RALGAPA2: variants seen among roughly 807,000 people sequenced by gnomAD.
The protein encoded by RALGAPA2 is Ral GTPase activating protein catalytic subunit alpha 2.
RALGAPA2 carries 139 observed loss-of-function variants against 230.4 expected under a neutral mutation model. The ratio of observed to expected loss-of-function variants is 0.60; its 90% CI spans 0.53 to 0.69. The LOEUF is 0.69. Among genes scored for constraint, RALGAPA2 ranks in the 30% least tolerant of loss-of-function variants. The probability of loss-of-function intolerance (pLI) is 0.00; values close to 1 mark genes in which losing one functional copy is unlikely to be tolerated. For synonymous variants in RALGAPA2, 847 were observed against 837.8 expected (o/e 1.01, Z -0.19); for missense variants, 2,163 against 2,276.0 (o/e 0.95, Z 1.01).
chr20:20,446,865 C>T (rs779300841), intron 37 of RALGAPA2, among the ~76,000 whole-genome samples: 29 of 152,300 alleles, frequency 1.9e-4, no homozygotes, highest in Non-Finnish European at 3.2e-4. Flanking sequence ...TGCCCAAACT[C>T]GCACTTAGGA....
rs1442484903 is a variant in RALGAPA2 at position 20,640,769 on chromosome 20, G to A, written c.482C>T (p.Ala161Val). ...GCAAGGGCCCCTGGATGACATGACT[G>A]CTGGGAAACCAGGCACCAGGCAAGC... ...IFACLVPGFP[A>V]VMSSRGPCTL... Residue 161 changes from alanine (A) to valine (V), a missense_variant, in exon 6 of 40, where the codon GCA becomes GTA. Coordinates refer to ENST00000202677, the MANE Select transcript of RALGAPA2 (RefSeq NM_020343.4). 3.7e-6 allele frequency: 6 copies of A among 1,613,946 alleles called. No homozygotes were observed. The highest frequency in any genetic ancestry group is 5.1e-6 in the Non-Finnish European group (6 of 1,179,842).
chr20:20,556,640 T>A (rs1297037678), intron 23 of RALGAPA2, among the ~76,000 whole-genome samples: 1 of 152,192 alleles, frequency 6.6e-6, no homozygotes, highest in Admixed American at 6.5e-5. Flanking sequence ...CTTTAGCAAA[T>A]GAGGGCTTCA....
chr20:20,495,618 A>C (rs1164620652), intron 35 of RALGAPA2, among the ~76,000 whole-genome samples: 2 of 152,264 alleles, frequency 1.3e-5, no homozygotes, highest in Non-Finnish European at 2.9e-5. Flanking sequence ...CTAAACAATT[A>C]ACAACACGTG....
intron 9 of RALGAPA2, among the ~76,000 whole-genome samples, chr20:20,633,067 CTT>C (rs1388910203): frequency 6.7e-6 from 1 of 148,498 alleles, no homozygotes; most frequent in East Asian, 2.0e-4. Flanking sequence ...TTTCTTTTCT[CTT>C]TCTCTTTCTT....
At chr20:20,543,985 G>A (rs1441409332) in intron 24 of RALGAPA2, among the ~76,000 whole-genome samples, 2 of 151,486 alleles carry the variant, frequency 1.3e-5, no homozygotes, top group Non-Finnish European at 2.9e-5. Context: ...GTGGGTGAAG[G>A]TTATAAACAG....
chr20:20,442,734 CTGA>C (rs1327407888), intron 37 of RALGAPA2, among the ~76,000 whole-genome samples: 1 of 152,196 alleles, frequency 6.6e-6, no homozygotes, highest in Non-Finnish European at 1.5e-5. Flanking sequence ...TTAGAATGTG[CTGA>C]TGACAAGCAG....
chr20:20,547,127 T>C (rs2063794949), intron 23 of RALGAPA2, among the ~76,000 whole-genome samples: 2 of 152,200 alleles, frequency 1.3e-5, no homozygotes, highest in Non-Finnish European at 2.9e-5. Context: ...TTGGACAAGC[T>C]ACAGGAGTAA....
rs184930884 is a variant in RALGAPA2, at chr20:20,475,740, A to T, written c.5368-2784T>A. Among the ~76,000 whole-genome samples the T allele has an allele frequency of 4.6e-5, 7 of 152,302 alleles. No homozygotes were observed. In the East Asian group the frequency reaches 1.4e-3, roughly 29 times the overall value. On this transcript the variant is annotated intron_variant, in intron 36 of 39. Transcript: ENST00000202677. ...ATTTTTGAAGATCCTAGTCACTACA[A>T]TAAAGAAAATTAAGAGAAAGAAAGA...
Position 20,551,411 on chromosome 20 carries a change from A to G in RALGAPA2, c.3157-4579T>C, listed in dbSNP as rs1167719416. 2.0e-5 allele frequency among the ~76,000 whole-genome samples: 3 copies of G among 152,246 alleles called. No individual in the cohort carries two copies. The East Asian group carries it at 5.8e-4, about 29-fold the overall frequency. On this transcript the variant is annotated intron_variant, in intron 23 of 39. Transcript: ENST00000202677. Reference sequence around the variant, plus strand: ...GTTGCAATATAGTGAACAGATCACCAAACTAGTATTTTTCTCTTGCTCTGG... The same window carrying G: ...GTTGCAATATAGTGAACAGATCACCGAACTAGTATTTTTCTCTTGCTCTGG...
chr20:20,522,747 A>T (rs2063083177), intron 30 of RALGAPA2, among the ~76,000 whole-genome samples: 1 of 152,266 alleles, frequency 6.6e-6, no homozygotes, highest in Non-Finnish European at 1.5e-5. Context: ...AATACAAAAC[A>T]AACAGTTATT....
chr20:20,401,675 T>G (rs1366113047), intron 38 of RALGAPA2, among the ~76,000 whole-genome samples: 1 of 152,182 alleles, frequency 6.6e-6, no homozygotes, highest in Non-Finnish European at 1.5e-5. Flanking sequence ...CCATGATGAC[T>G]GTGGGAGGAC....
chr20:20,553,974 CCTT>C (rs1229116945), intron 23 of RALGAPA2, among the ~76,000 whole-genome samples: 5 of 152,110 alleles, frequency 3.3e-5, no homozygotes, highest in African/African-American at 9.7e-5. Context: ...TAAACTGCCT[CCTT>C]CTCTTGGTAA....
chr20:20,533,698 G>T (rs2063426200), intron 26 of RALGAPA2, among the ~76,000 whole-genome samples: 1 of 152,100 alleles, frequency 6.6e-6, no homozygotes. Flanking sequence ...TTTTTTTCAG[G>T]TTTATATGGG....
intron 37 of RALGAPA2, among the ~76,000 whole-genome samples, chr20:20,435,402 A>G (rs1214009735): frequency 1.3e-5 from 2 of 152,250 alleles, no homozygotes; most frequent in African/African-American, 2.4e-5. Flanking sequence ...AAAAGGATGC[A>G]TAACAGCATC....
chr20:20,519,357 C>T (rs990276086), intron 31 of RALGAPA2, among the ~76,000 whole-genome samples: 1 of 152,180 alleles, frequency 6.6e-6, no homozygotes, highest in Non-Finnish European at 1.5e-5. Flanking sequence ...TCAGCTTGAA[C>T]CTTGCTCCAG....
At chr20:20,675,683 A>C (rs2068295410) in intron 3 of RALGAPA2, among the ~76,000 whole-genome samples, 1 of 152,190 alleles carries the variant, frequency 6.6e-6, no homozygotes, top group South Asian at 2.1e-4. Context: ...AACTTTGAAG[A>C]TATGATCAAT....
At chr20:20,564,539 A>G (rs1410655164) in intron 23 of RALGAPA2, among the ~76,000 whole-genome samples, 4 of 152,248 alleles carry the variant, frequency 2.6e-5, no homozygotes, top group Non-Finnish European at 4.4e-5. Context: ...AATATTCAAC[A>G]TAAAAAGATC....
Position 20,489,539 on chromosome 20 carries a change from G to A in RALGAPA2, c.5367+5578C>T, listed in dbSNP as rs561026305. Among the ~76,000 whole-genome samples the A allele has an allele frequency of 4.6e-5, 7 of 151,176 alleles. No homozygotes were observed. In the East Asian group the frequency reaches 1.4e-3, roughly 29 times the overall value. Reference sequence around the variant, plus strand: ...TACTAAAAGCAGTCCAGTAATCAGTGAGGTGGAGTTGTAATGAAAGTATTC... The same window carrying A: ...TACTAAAAGCAGTCCAGTAATCAGTAAGGTGGAGTTGTAATGAAAGTATTC... On this transcript the variant is annotated intron_variant, in intron 36 of 39. Coordinates refer to ENST00000202677, the MANE Select transcript of RALGAPA2 (RefSeq NM_020343.4).
chr20:20,443,956 G>A (rs2060802328), intron 37 of RALGAPA2, among the ~76,000 whole-genome samples: 1 of 152,236 alleles, frequency 6.6e-6, no homozygotes, highest in African/African-American at 2.4e-5. Context: ...ATGCCTTAGG[G>A]CAGCAGCTCC....
Sources: gnomAD v4.1 joint callset for allele counts (sites outside exome capture counted in the v4.1 genomes callset) on GRCh38, gnomAD v4.1.1 for gene constraint, MANE v1.5 for transcripts, NCBI Gene and HGNC (gene_info 2026-07-23, HGNC 2026-07-21) for gene names.